The following ERP44 variants were observed in gnomAD, a reference collection of about 807,000 sequenced individuals.
The protein encoded by ERP44 is endoplasmic reticulum protein 44.
Under a neutral mutation model 53.4 loss-of-function variants are expected in ERP44, and 25 were observed. The observed-to-expected ratio is 0.47, with a 90% CI of 0.34 to 0.65. ERP44 has a LOEUF of 0.65. Ranked by LOEUF, ERP44 falls within the 30% of genes least tolerant of loss-of-function variation. The pLI is 0.01. For missense variants in ERP44, 338 were observed against 493.2 expected, an observed-to-expected ratio of 0.69 and a Z score of 2.98; for synonymous variants, 145 against 161.2, an observed-to-expected ratio of 0.90 and a Z score of 0.76.
Position 100,006,591 on chromosome 9 carries a change from T to A in ERP44, c.931A>T (p.Ile311Leu). 6.2e-7 allele frequency: 1 copy of A among 1,609,980 alleles called. No homozygotes were observed. Among genetic ancestry groups the A allele is most frequent in the Non-Finnish European group, 8.5e-7 (1 of 1,177,750 alleles). The stretch of plus-strand genomic sequence containing the variant: ...GGACAATCTGCTGGAGTTTTCTGTA[T>A]GTGCAGAAGAGGATGTCTAAATTTG... ...CDKFRHPLLH[I>L]QKTPADCPVI... Residue 311 changes from isoleucine to leucine, a missense_variant, in exon 10 of 12, where the codon ATA becomes TTA. Ile to Leu is a conservative substitution (Grantham distance 5). Coordinates refer to ENST00000262455, the MANE Select transcript of ERP44 (RefSeq NM_015051.3).
chr9:99,992,298 C>A (rs1484150026), intron 10 of ERP44, among the ~76,000 whole-genome samples: 1 of 152,154 alleles, frequency 6.6e-6, no homozygotes, highest in Non-Finnish European at 1.5e-5. Flanking sequence ...TCCAGCAGCA[C>A]ATTAAAAAGC....
chr9:100,081,070 G>C (rs1415255508), intron 1 of ERP44, among the ~76,000 whole-genome samples: 1 of 151,628 alleles, frequency 6.6e-6, no homozygotes, highest in Non-Finnish European at 1.5e-5. Context: ...ATCTATATCA[G>C]TAATTATAAA....
At chr9:99,990,570 G>T (rs1830242745) in intron 10 of ERP44, among the ~76,000 whole-genome samples, 1 of 152,180 alleles carries the variant, frequency 6.6e-6, no homozygotes, top group Non-Finnish European at 1.5e-5. Flanking sequence ...ATGCCAAAGT[G>T]TAAAGACCAT....
At chr9:100,057,984 TCTCA>T in intron 2 of ERP44, 125 bp from the exon 3 acceptor site, 1 of 697,670 alleles carries the variant, frequency 1.4e-6, no homozygotes, top group Non-Finnish European at 2.4e-6. Context: ...AACTATTATC[TCTCA>T]CTCAGAAACC....
intron 10 of ERP44, among the ~76,000 whole-genome samples, chr9:99,990,420 C>G (rs1456712192): frequency 6.6e-6 from 1 of 152,170 alleles, no homozygotes; most frequent in East Asian, 1.9e-4. Context: ...AACTAAGCTT[C>G]ATAAGTGAAG....
chr9:100,071,215 C>T (rs1003929723), intron 1 of ERP44, among the ~76,000 whole-genome samples: 1 of 151,486 alleles, frequency 6.6e-6, no homozygotes, highest in Non-Finnish European at 1.5e-5. Flanking sequence ...CCACCTCAGC[C>T]TCCCAAGTAG....
intron 2 of ERP44, 79 bp downstream of exon 2, chr9:100,060,021 T>C (rs1454226723): frequency 3.4e-6 from 4 of 1,181,568 alleles, no homozygotes; most frequent in Non-Finnish European, 3.3e-6. Context: ...TGAGATTTTA[T>C]TGGGTTTTTT....
At chr9:100,026,836 G>C (rs1464775358) in intron 4 of ERP44, among the ~76,000 whole-genome samples, 1 of 152,164 alleles carries the variant, frequency 6.6e-6, no homozygotes, top group African/African-American at 2.4e-5. Context: ...GAGAGGATAT[G>C]AGATGGACTC....
At chr9:100,064,828 GA>G (rs1197751218) in intron 1 of ERP44, among the ~76,000 whole-genome samples, 3 of 151,814 alleles carry the variant, frequency 2.0e-5, no homozygotes, top group East Asian at 3.9e-4. Context: ...AAGCTAAAAA[GA>G]AAAAAATATT....
At chr9:100,030,679 G>A (rs898396475) in intron 4 of ERP44, among the ~76,000 whole-genome samples, 2 of 152,132 alleles carry the variant, frequency 1.3e-5, no homozygotes, top group Non-Finnish European at 2.9e-5. Context: ...ACAGCTGTGG[G>A]TGACAGGATT....
intron 3 of ERP44, among the ~76,000 whole-genome samples, chr9:100,057,007 G>T (rs2118713118): frequency 6.6e-6 from 1 of 152,332 alleles, no homozygotes; most frequent in Admixed American, 6.5e-5. Context: ...GTAGAGAACA[G>T]AATGGAGATA....
chr9:100,094,892 A>G (rs2118766161), intron 1 of ERP44, among the ~76,000 whole-genome samples: 1 of 151,766 alleles, frequency 6.6e-6, no homozygotes, highest in East Asian at 1.9e-4. Context: ...GGATTGCTTC[A>G]GCCTCAGAGG....
chr9:100,006,038 AT>A (rs1830422009), intron 10 of ERP44, among the ~76,000 whole-genome samples: 3 of 152,222 alleles, frequency 2.0e-5, no homozygotes, highest in Non-Finnish European at 4.4e-5. Flanking sequence ...GCTATATGCC[AT>A]TAGAAACGCC....
At chr9:100,087,041 T>A (rs912090814) in intron 1 of ERP44, among the ~76,000 whole-genome samples, 1 of 113,960 alleles carries the variant, frequency 8.8e-6, no homozygotes, top group Admixed American at 7.7e-5. Context: ...GTCTCTGGCA[T>A]ACAGTAAAAG....
In ERP44 at chr9:100,057,822, G is replaced by A. The variant is rs200611441; in HGVS notation, c.168C>T (p.Asp56=). Residue 56 remains aspartate, a splice_region_variant and synonymous_variant, in exon 3 of 12, where the codon GAC becomes GAT. Coordinates refer to ENST00000262455, the MANE Select transcript of ERP44 (RefSeq NM_015051.3). ...ADVALVNFYA[D]WCRFSQMLHP... is the part of the protein sequence containing the mutation. ...ACCCAAACAATAAGATTACTTACCA[G>A]TCAGCATAAAAATTTACTAAAGCAA... 6.2e-7 allele frequency: 1 copy of A among 1,604,152 alleles called. No homozygotes were observed. The highest frequency in any genetic ancestry group is 2.2e-5 in the East Asian group (1 of 44,548).
At chr9:99,995,920 CT>C (rs34632626) in intron 10 of ERP44, among the ~76,000 whole-genome samples, 31,443 of 121,310 alleles carry the variant, frequency 0.26, 1,471 homozygotes, top group South Asian at 0.33. Flanking sequence ...TAGGGTAGTT[CT>C]TTTTTTTTTT....
rs7027424 is a variant in ERP44 at position 100,067,339 on chromosome 9, C to T, written c.58-7167G>A. ...CCCAGTGCCTGCGACTGCAGGCGCGCGCCGCCGCGCCTGACTGGTTTTCGT... is the reference window on the plus strand; with the variant it reads ...CCCAGTGCCTGCGACTGCAGGCGCGTGCCGCCGCGCCTGACTGGTTTTCGT... On this transcript the variant is annotated intron_variant, in intron 1 of 11. Transcript: ENST00000262455. Among the ~76,000 whole-genome samples the T allele has an allele frequency of 2.0e-3, 302 of 151,784 alleles. 1 individual carries two copies. The highest frequency in any genetic ancestry group is 7.0e-3 in the African/African-American group (289 of 41,118).
At chr9:100,091,895 A>G (rs567700422) in intron 1 of ERP44, among the ~76,000 whole-genome samples, 2 of 152,336 alleles carry the variant, frequency 1.3e-5, no homozygotes, top group African/African-American at 4.8e-5. Context: ...ACTTCTGAGT[A>G]GCAGGATCTA....
chr9:100,092,912 A>C (rs892836810), intron 1 of ERP44, among the ~76,000 whole-genome samples: 2 of 152,206 alleles, frequency 1.3e-5, no homozygotes, highest in Admixed American at 1.3e-4. Flanking sequence ...ATTGGTACAA[A>C]TTTTCAGTAG....
Sources: allele counts gnomAD v4.1 joint callset (sites outside exome capture counted in the v4.1 genomes callset), GRCh38; gene constraint gnomAD v4.1.1; transcripts MANE v1.5; gene names NCBI Gene and HGNC (gene_info 2026-07-23, HGNC 2026-07-21).